The following RELN variants were observed in gnomAD, a reference collection of about 807,000 sequenced individuals.
RELN encodes the protein reelin.
A neutral mutation model predicts 427.6 loss-of-function variants in RELN; 108 were observed. The observed-to-expected ratio is 0.25, with a 90% confidence interval of 0.22 to 0.30. The LOEUF is 0.30. RELN is among the 10% of genes least tolerant of loss of function. The pLI is 1.00. For missense variants in RELN, 3,715 were observed against 4,302.8 expected, an observed-to-expected ratio of 0.86 and a Z score of 3.82; for synonymous variants, 1,524 against 1,513.4, an observed-to-expected ratio of 1.01 and a Z score of -0.16.
At chr7:103,642,370 C>A (rs1451907139) in intron 16 of RELN, among the ~76,000 whole-genome samples, 2 of 64,044 alleles carry the variant, frequency 3.1e-5, no homozygotes, top group East Asian at 4.5e-4. Flanking sequence ...TTTTTTTTGG[C>A]AAGTAAGCAC....
intron 2 of RELN, among the ~76,000 whole-genome samples, chr7:103,842,671 G>A (rs910843608): frequency 2.0e-5 from 3 of 152,192 alleles, no homozygotes; most frequent in Admixed American, 2.0e-4. Flanking sequence ...TCAAAGCACT[G>A]ATTTGATTAT....
At chr7:103,938,137 A>G (rs1005085713) in intron 1 of RELN, among the ~76,000 whole-genome samples, 1 of 152,126 alleles carries the variant, frequency 6.6e-6, no homozygotes, top group African/African-American at 2.4e-5. Flanking sequence ...CCTGGCCAAC[A>G]TGGTAAAACC....
intron 8 of RELN, among the ~76,000 whole-genome samples, chr7:103,721,641 C>T (rs983312783): frequency 6.6e-6 from 1 of 152,050 alleles, no homozygotes; most frequent in Admixed American, 6.6e-5. Flanking sequence ...AGGAGCTCTC[C>T]ACCCTTGAAT....
At chr7:103,679,954 A>G (rs1354217969) in intron 11 of RELN, among the ~76,000 whole-genome samples, 1 of 152,174 alleles carries the variant, frequency 6.6e-6, no homozygotes, top group East Asian at 1.9e-4. Flanking sequence ...TGTTACTCAT[A>G]GAGAGCTGAA....
intron 2 of RELN, among the ~76,000 whole-genome samples, chr7:103,862,877 G>T (rs1563057398): frequency 6.6e-6 from 1 of 152,164 alleles, no homozygotes; most frequent in East Asian, 1.9e-4. Context: ...TCAGAGAATG[G>T]ACGTGGCTGT....
chr7:103,680,695 T>C (rs940531253), intron 11 of RELN, among the ~76,000 whole-genome samples: 4 of 151,182 alleles, frequency 2.6e-5, no homozygotes, highest in Non-Finnish European at 5.9e-5. Flanking sequence ...TTTCTTTTTT[T>C]CCCTCTAGGG....
intron 6 of RELN, among the ~76,000 whole-genome samples, chr7:103,743,250 T>C (rs1021758723): frequency 6.6e-6 from 1 of 151,982 alleles, no homozygotes; most frequent in Non-Finnish European, 1.5e-5. Flanking sequence ...CCTAAAAGAG[T>C]TCCTGAAGGA....
At chr7:103,497,318 C>T (rs1828871308) in intron 55 of RELN, among the ~76,000 whole-genome samples, 1 of 152,088 alleles carries the variant, frequency 6.6e-6, no homozygotes, top group Non-Finnish European at 1.5e-5. Flanking sequence ...TCTAAAGACA[C>T]CATGGTATTA....
chr7:103,712,900 A>C (rs1054311993), intron 8 of RELN, among the ~76,000 whole-genome samples: 4 of 151,886 alleles, frequency 2.6e-5, no homozygotes, highest in Non-Finnish European at 4.4e-5. Flanking sequence ...TTATTTGGTT[A>C]TATCATTCCC....
rs1370759089 is a variant in RELN at position 103,666,469 on chromosome 7, T to C, written c.1290-4942A>G. Among the ~76,000 whole-genome samples, 6 of 152,204 alleles carry C rather than the reference T, an allele frequency of 3.9e-5. No individual in the cohort carries two copies. In the East Asian group the frequency reaches 7.7e-4, roughly 20 times the overall value. On this transcript the variant is annotated intron_variant, in intron 11 of 64. Coordinates refer to ENST00000428762, the MANE Select transcript of RELN (RefSeq NM_005045.4). ...AAAAATCTTTTAAATCATTTAATCA[T>C]ATTTATCTCATATCTCTCTTATCTC...
At chr7:103,917,764 T>A (rs1198390561) in intron 1 of RELN, among the ~76,000 whole-genome samples, 1 of 152,088 alleles carries the variant, frequency 6.6e-6, no homozygotes, top group Non-Finnish European at 1.5e-5. Context: ...TGCTTTAAGT[T>A]TGAGAACAAA....
intron 6 of RELN, among the ~76,000 whole-genome samples, chr7:103,747,450 G>T (rs961468905): frequency 6.6e-6 from 1 of 151,788 alleles, no homozygotes; most frequent in African/African-American, 2.4e-5. Context: ...AACGGTATTT[G>T]CCTACTTTTA....
chr7:103,750,131 T>G (rs890579128), intron 5 of RELN, among the ~76,000 whole-genome samples: 1 of 152,134 alleles, frequency 6.6e-6, no homozygotes, highest in Non-Finnish European at 1.5e-5. Flanking sequence ...AGGTGCCTAC[T>G]ACCATGACTG....
chr7:103,700,085 GAA>G (rs933521013), intron 9 of RELN, among the ~76,000 whole-genome samples: 3 of 151,748 alleles, frequency 2.0e-5, no homozygotes, highest in African/African-American at 7.3e-5. Flanking sequence ...ATAGCTAGTA[GAA>G]AAAAAGAGAG....
intron 28 of RELN, among the ~76,000 whole-genome samples, chr7:103,583,217 C>T (rs1287277042): frequency 1.3e-5 from 2 of 152,308 alleles, no homozygotes; most frequent in East Asian, 1.9e-4. Context: ...GGTTCTGAGG[C>T]CTTTGGTCTT....
At chr7:103,889,294 C>T (rs1794793114) in intron 2 of RELN, among the ~76,000 whole-genome samples, 1 of 152,182 alleles carries the variant, frequency 6.6e-6, no homozygotes, top group African/African-American at 2.4e-5. Context: ...AGCTCCTGAG[C>T]TACACGGGAA....
intron 3 of RELN, among the ~76,000 whole-genome samples, chr7:103,796,489 A>C (rs1482911001): frequency 1.3e-5 from 2 of 152,212 alleles, no homozygotes; most frequent in African/African-American, 4.8e-5. Flanking sequence ...AAGAATAGAA[A>C]TAATCTTCTT....
chr7:103,976,698 C>T (rs1796886277), intron 1 of RELN, among the ~76,000 whole-genome samples: 1 of 152,100 alleles, frequency 6.6e-6, no homozygotes, highest in Non-Finnish European at 1.5e-5. Context: ...CACAGAAGGC[C>T]TAAGACAGTC....
chr7:103,736,954 G>A (rs2115985320), intron 6 of RELN, among the ~76,000 whole-genome samples: 1 of 152,224 alleles, frequency 6.6e-6, no homozygotes, highest in African/African-American at 2.4e-5. Context: ...ACTCAGAGAA[G>A]AGTTTTGTAA....
Sources: gnomAD v4.1 joint callset for allele counts (sites outside exome capture counted in the v4.1 genomes callset) on GRCh38, gnomAD v4.1.1 for gene constraint, MANE v1.5 for transcripts, NCBI Gene and HGNC (gene_info 2026-07-23, HGNC 2026-07-21) for gene names.